Variants in TRPV2 observed in about 807,000 individuals in gnomAD.
The protein encoded by TRPV2 is OTRPC2.
In TRPV2, 58 loss-of-function variants were observed where a neutral mutation model predicts 91.0. The ratio of observed to expected loss-of-function variants is 0.64; its 90% CI spans 0.52 to 0.79. The LOEUF (loss-of-function observed/expected upper bound fraction) is 0.79. TRPV2 is among the 30% of genes least tolerant of loss of function. The pLI, the probability that TRPV2 is intolerant of heterozygous loss-of-function variation, is 0.00. For synonymous variants in TRPV2, 417 were observed against 414.8 expected, an observed-to-expected ratio of 1.01 and a Z score of -0.06; for missense variants, 807 against 969.6, an observed-to-expected ratio of 0.83 and a Z score of 2.23.
At chr17:16,430,188 G>C (rs1452977067) in intron 10 of TRPV2, among the ~76,000 whole-genome samples, 1 of 151,372 alleles carries the variant, frequency 6.6e-6, no homozygotes, top group Non-Finnish European at 1.5e-5. Context: ...TTTTTTTAAA[G>C]TATACAGCTA....
chr17:16,433,000 T>G (rs1474368069), intron 12 of TRPV2, among the ~76,000 whole-genome samples: 1 of 152,140 alleles, frequency 6.6e-6, no homozygotes, highest in Non-Finnish European at 1.5e-5. Context: ...AGATAAGGTT[T>G]CACCATGTTG....
rs778001564 is a variant in TRPV2, at chr17:16,423,762, A to G, written c.919A>G (p.Ile307Val). Reference protein sequence around the residue: ...PLKLAAKEGKIEIFRHILQRE... With the variant: ...PLKLAAKEGKVEIFRHILQRE... ...GAAGCTGGCCGCCAAGGAGGGCAAGATCGAGGTGAGCGGCTGTCCCCTTCC... is the reference window on the plus strand; with the variant it reads ...GAAGCTGGCCGCCAAGGAGGGCAAGGTCGAGGTGAGCGGCTGTCCCCTTCC... The change falls in exon 5 of 15, where the codon ATC becomes GTC. Residue 307 changes from isoleucine (I) to valine (V), a missense_variant. Ile to Val is a conservative substitution (Grantham distance 29). Coordinates refer to ENST00000338560, the MANE Select transcript of TRPV2 (RefSeq NM_016113.5). 1.3e-6 allele frequency: 2 copies of G among 1,573,090 alleles called. No homozygotes were observed. The highest frequency in any genetic ancestry group is 1.7e-6 in the Non-Finnish European group (2 of 1,155,674).
intron 10 of TRPV2, among the ~76,000 whole-genome samples, chr17:16,431,277 ATATATATATACATATTTT>A (rs2093409421): frequency 1.3e-5 from 1 of 75,748 alleles, no homozygotes; most frequent in African/African-American, 5.9e-5. Flanking sequence ...ATATATATAT[ATATATATATACATATTTT>A]TTTTTTTTTT....
chr17:16,421,422 T>G lies in TRPV2; in HGVS notation c.334+1174T>G, dbSNP rs758717392. 1.3e-4 allele frequency among the ~76,000 whole-genome samples: 20 copies of G among 151,826 alleles called. 1 individual carries two copies. The highest frequency in any genetic ancestry group is 5.8e-4 in the East Asian group (3 of 5,136). On this transcript the variant is annotated intron_variant, in intron 3 of 14. Transcript: ENST00000338560. Reference sequence around the variant, plus strand: ...TTTAGTAGAGACAGGGTTTCACCGTTTTAGCCAGGATGGTCTCAATCTCCT... The same window carrying G: ...TTTAGTAGAGACAGGGTTTCACCGTGTTAGCCAGGATGGTCTCAATCTCCT...
Position 16,435,020 on chromosome 17 carries a change from G to A in TRPV2, c.2194+51G>A. 1 of 1,520,918 alleles carries A rather than the reference G, an allele frequency of 6.6e-7. No homozygotes were observed. The highest frequency in any genetic ancestry group is 2.4e-5 in the East Asian group (1 of 42,322). The allele number at this position is 1,520,918 out of a possible 1,614,324, so 94.2% of individuals were successfully genotyped here. ...CTGCCCTGGGGTGTGTGTCTCTGCT[G>A]CTTGGCCACAAAGCCTTGGAGAGTC... On this transcript the variant is annotated intron_variant, in intron 14 of 14. Coordinates refer to ENST00000338560, the MANE Select transcript of TRPV2 (RefSeq NM_016113.5). This position sits in a 1 kb window ranked among gnomAD's most constrained non-coding sequence, Gnocchi z 4.2.
In TRPV2 at chr17:16,423,192, G is replaced by C. The variant is rs530048137; in HGVS notation, c.626-277G>C. On this transcript the variant is annotated intron_variant, in intron 4 of 14. Coordinates refer to ENST00000338560, the MANE Select transcript of TRPV2 (RefSeq NM_016113.5). Reference sequence around the variant, plus strand: ...TCATCCTCGTCTGGCCAGAAGACGGGCATGCACCCAGACCCAGACCCAGGG... The same window carrying C: ...TCATCCTCGTCTGGCCAGAAGACGGCCATGCACCCAGACCCAGACCCAGGG... 4.6e-5 allele frequency among the ~76,000 whole-genome samples: 7 copies of C among 152,358 alleles called. No homozygotes were observed. In the East Asian group the frequency reaches 1.3e-3, roughly 29 times the overall value.
chr17:16,430,225 T>C (rs748003336), intron 10 of TRPV2, among the ~76,000 whole-genome samples: 48 of 152,134 alleles, frequency 3.2e-4, no homozygotes, highest in Non-Finnish European at 5.1e-4. Flanking sequence ...TTCACACTGT[T>C]GTATAACCAT....
Position 16,415,830 on chromosome 17 carries a change from C to A in TRPV2, c.-111C>A, listed in dbSNP as rs7215268. 6.6e-6 allele frequency: 1 copy of A among 152,264 alleles called. No individual in the cohort carries two copies. Among genetic ancestry groups the A allele is most frequent in the East Asian group, 1.9e-4 (1 of 5,180 alleles). 9.4% of individuals were successfully genotyped at this position (152,264 alleles called of 1,614,324 possible). On this transcript the variant is annotated 5_prime_UTR_variant, in exon 1 of 15. Transcript: ENST00000338560. The surrounding 1 kb of genome is among the most constrained non-coding windows in gnomAD (Gnocchi z 4.5). ...GCCGCCACGCCCTGGCCTCAGCCTGCGGGGTAAGTCGGTGGGCAATGCTGG... is the reference window on the plus strand; with the variant it reads ...GCCGCCACGCCCTGGCCTCAGCCTGAGGGGTAAGTCGGTGGGCAATGCTGG...
rs950785846 is a variant in TRPV2 at position 16,420,316 on chromosome 17, C to A, written c.334+68C>A. 3.9e-6 allele frequency: 6 copies of A among 1,553,936 alleles called. No individual in the cohort carries two copies. In the African/African-American group the frequency reaches 8.1e-5, roughly 21 times the overall value. On this transcript the variant is annotated intron_variant, in intron 3 of 14. Transcript: ENST00000338560. ...CTGATAGTTAGGTGGGCTGTGTGGG[C>A]TTGATCCCTGGTCAGGAGCTGAGGA...
chr17:16,419,163 G>A (rs1462380065), intron 2 of TRPV2, among the ~76,000 whole-genome samples: 3 of 152,118 alleles, frequency 2.0e-5, no homozygotes, highest in East Asian at 1.9e-4. Flanking sequence ...CCTGTTCTTT[G>A]TCTTCGCATA....
In TRPV2 at chr17:16,432,250, G is replaced by A; in HGVS notation, c.1939G>A (p.Glu647Lys). The stretch of plus-strand genomic sequence containing the variant: ...CAACATGCTCATCGCCCTCATGAGC[G>A]AGACCGTCAACAGTGTCGCCACTGA... ...LLNMLIALMS[E>K]TVNSVATDSW... Residue 647 changes from glutamate to lysine, a missense_variant, in exon 12 of 15, where the codon GAG becomes AAG. Physicochemically the swap from Glu to Lys is moderately conservative, Grantham distance 56. Coordinates refer to ENST00000338560, the MANE Select transcript of TRPV2 (RefSeq NM_016113.5). 2 of 1,613,158 alleles carry A rather than the reference G, an allele frequency of 1.2e-6. No individual in the cohort carries two copies. The highest frequency in any genetic ancestry group is 1.7e-6 in the Non-Finnish European group (2 of 1,179,220).
At chr17:16,436,199 G>GT (rs1428628524) in intron 14 of TRPV2, among the ~76,000 whole-genome samples, 1 of 152,134 alleles carries the variant, frequency 6.6e-6, no homozygotes, top group Non-Finnish European at 1.5e-5. Flanking sequence ...ACCACTGCAG[G>GT]GGGGCCCAGC....
At position 16,432,029 on chromosome 17, in the gene TRPV2, A is replaced by G. The variant is rs748531161; in HGVS notation, c.1718A>G (p.Glu573Gly). The G allele has an allele frequency of 1.9e-6, 3 of 1,611,864 alleles. No individual in the cohort carries two copies. The highest frequency in any genetic ancestry group is 2.5e-6 in the Non-Finnish European group (3 of 1,178,306). Residue 573 changes from glutamate (E) to glycine (G), a missense_variant, in exon 12 of 15, where the codon GAG becomes GGG. Coordinates refer to ENST00000338560, the MANE Select transcript of TRPV2 (RefSeq NM_016113.5). Reference protein sequence around the residue: ...PEAPTGPNATESVQPMEGQED... With the variant: ...PEAPTGPNATGSVQPMEGQED... ...GCTCCTACAGGCCCCAATGCCACAG[A>G]GTCAGTGCAGCCCATGGAGGGACAG...
At chr17:16,436,676 AGGCTGTCCCCAC>A in intron 14 of TRPV2, 101 bp from the exon 15 acceptor site, 2 of 742,532 alleles carry the variant, frequency 2.7e-6, no homozygotes, top group South Asian at 3.2e-5. Context: ...AGGATCGCTG[AGGCTGTCCCCAC>A]GGCATGACGT....
chr17:16,432,987 T>G (rs928476439), intron 12 of TRPV2, among the ~76,000 whole-genome samples: 1 of 152,028 alleles, frequency 6.6e-6, no homozygotes, highest in African/African-American at 2.4e-5. Context: ...TTGTATTTAG[T>G]AGAGATAAGG....
intron 12 of TRPV2, 138 bp downstream of exon 12, chr17:16,432,438 C>CAT: frequency 1.7e-6 from 1 of 592,386 alleles, no homozygotes; most frequent in Non-Finnish European, 2.7e-6. Context: ...TCTTCCTCTT[C>CAT]CTTTTTTTTT....
intron 5 of TRPV2, among the ~76,000 whole-genome samples, chr17:16,424,442 G>A (rs1163384337): frequency 6.6e-6 from 1 of 152,000 alleles, no homozygotes; most frequent in African/African-American, 2.4e-5. Flanking sequence ...TTACAGGCAC[G>A]CGCCACTGCA....
intron 8 of TRPV2, 86 bp from the exon 9 acceptor site, chr17:16,428,231 G>A: frequency 7.9e-7 from 1 of 1,264,526 alleles, no homozygotes; most frequent in South Asian, 1.2e-5. Context: ...GCTCTAGCCT[G>A]GGTGGCAGGC....
Position 16,423,620 on chromosome 17 carries a change from A to C in TRPV2, c.777A>C (p.Ser259=), listed in dbSNP as rs773259526. The change falls in exon 5 of 15, where the codon TCA becomes TCC. Residue 259 remains serine (S), a synonymous_variant. Transcript: ENST00000338560. ...LHALVMISDN[S]AENIALVTSM... ...CCCTAGTGATGATCTCGGACAACTCAGCTGAGAACATTGCACTGGTGACCA... is the reference window on the plus strand; with the variant it reads ...CCCTAGTGATGATCTCGGACAACTCCGCTGAGAACATTGCACTGGTGACCA... The C allele has an allele frequency of 6.2e-7, 1 of 1,612,974 alleles. No individual in the cohort carries two copies. The highest frequency in any genetic ancestry group is 1.1e-5 in the South Asian group (1 of 91,024).
Sources: allele counts gnomAD v4.1 joint callset (sites outside exome capture counted in the v4.1 genomes callset), GRCh38; gene constraint gnomAD v4.1.1; non-coding constraint Gnocchi (gnomAD v3.1); transcripts MANE v1.5; gene names NCBI Gene and HGNC (gene_info 2026-07-23, HGNC 2026-07-21).